EXOC6B: variants seen among roughly 807,000 people sequenced by gnomAD.
The protein encoded by EXOC6B is exocyst complex component 6B, also known as SEC15 homolog B.
A neutral mutation model predicts 113.5 loss-of-function variants in EXOC6B; 54 were observed. The ratio of observed to expected loss-of-function variants is 0.48; its 90% confidence interval spans 0.38 to 0.60. The LOEUF (loss-of-function observed/expected upper bound fraction) is 0.60, where lower values mean the gene tolerates loss of function less well. Among genes scored for constraint, EXOC6B ranks in the 20% least tolerant of loss-of-function variants. The pLI, the probability that EXOC6B is intolerant of heterozygous loss-of-function variation, is 0.00. For synonymous variants in EXOC6B, 357 were observed against 339.0 expected (o/e 1.05, Z -0.58); for missense variants, 797 against 977.5 (o/e 0.82, Z 2.46).
At chr2:72,440,160 T>C (rs1696116132) in intron 18 of EXOC6B, among the ~76,000 whole-genome samples, 1 of 152,128 alleles carries the variant, frequency 6.6e-6, no homozygotes, top group South Asian at 2.1e-4. Context: ...GAAATAGGAT[T>C]GGGGACCTGC....
intron 6 of EXOC6B, among the ~76,000 whole-genome samples, chr2:72,668,657 A>C (rs1181007560): frequency 6.6e-6 from 1 of 152,196 alleles, no homozygotes; most frequent in East Asian, 1.9e-4. Flanking sequence ...TAAGTAAACT[A>C]ATGCAAAAAC....
chr2:72,448,859 T>C (rs1696742376), intron 18 of EXOC6B, among the ~76,000 whole-genome samples: 1 of 152,192 alleles, frequency 6.6e-6, no homozygotes, highest in East Asian at 1.9e-4. Context: ...CAGTTTTGGA[T>C]GAGACACTAT....
intron 1 of EXOC6B, among the ~76,000 whole-genome samples, chr2:72,799,478 G>A (rs939007212): frequency 3.3e-5 from 5 of 151,600 alleles, no homozygotes; most frequent in African/African-American, 1.2e-4. Flanking sequence ...GCTGAAGTGG[G>A]AGGACCAGTT....
At chr2:72,815,139 A>G (rs930546965) in intron 1 of EXOC6B, among the ~76,000 whole-genome samples, 8 of 152,172 alleles carry the variant, frequency 5.3e-5, no homozygotes, top group Non-Finnish European at 7.3e-5. Flanking sequence ...CTCGTCATGC[A>G]TTTAAGCAAC....
intron 6 of EXOC6B, among the ~76,000 whole-genome samples, chr2:72,712,021 C>G (rs1250200282): frequency 6.6e-6 from 1 of 152,170 alleles, no homozygotes; most frequent in Non-Finnish European, 1.5e-5. Flanking sequence ...ACAGTACTAA[C>G]AGTAAAATGG....
In EXOC6B at chr2:72,721,826, C is replaced by T. The variant is rs141207943; in HGVS notation, c.465-3519G>A. ...ATCTAATTGCCTCTTGGCCTTTTGGCTAAGATCAAATTTAATATCTGATAT... is the reference window on the plus strand; with the variant it reads ...ATCTAATTGCCTCTTGGCCTTTTGGTTAAGATCAAATTTAATATCTGATAT... On this transcript the variant is annotated intron_variant, in intron 5 of 21. Coordinates refer to ENST00000272427, the MANE Select transcript of EXOC6B (RefSeq NM_015189.3). The T allele has an allele frequency of 1.4e-4, 22 of 151,958 alleles. No individual in the cohort carries two copies. In the East Asian group the frequency reaches 4.1e-3, roughly 28 times the overall value. 9.4% of individuals were successfully genotyped at this position (151,958 alleles called of 1,614,324 possible).
At chr2:72,602,060 T>G (rs1670465585) in intron 6 of EXOC6B, among the ~76,000 whole-genome samples, 1 of 152,214 alleles carries the variant, frequency 6.6e-6, no homozygotes, top group Non-Finnish European at 1.5e-5. Context: ...CTAAGTGGTC[T>G]AGGTCTCTTA....
At chr2:72,405,005 T>C (rs1175705498) in intron 18 of EXOC6B, among the ~76,000 whole-genome samples, 5 of 151,130 alleles carry the variant, frequency 3.3e-5, no homozygotes, top group Admixed American at 1.3e-4. Context: ...TGCAGAGAAG[T>C]CCTTAAAGGA....
chr2:72,771,256 T>C (rs1276231963), intron 1 of EXOC6B, among the ~76,000 whole-genome samples: 1 of 152,210 alleles, frequency 6.6e-6, no homozygotes, highest in Admixed American at 6.5e-5. Flanking sequence ...AATTTTTATT[T>C]TGAAATAATT....
intron 18 of EXOC6B, among the ~76,000 whole-genome samples, chr2:72,449,349 T>A (rs1478643104): frequency 1.3e-5 from 2 of 152,046 alleles, no homozygotes; most frequent in Admixed American, 6.6e-5. Flanking sequence ...TTTTTTGTAT[T>A]TTTAGTAGAG....
intron 6 of EXOC6B, among the ~76,000 whole-genome samples, chr2:72,666,924 G>A (rs752466823): frequency 1.1e-4 from 16 of 151,574 alleles, no homozygotes; most frequent in South Asian, 2.1e-4. Flanking sequence ...GTGCAATGGC[G>A]CCATCTCAGC....
At chr2:72,350,902 AGTATTAAAAGCAGCCCTGTCTTT>A (rs1689614064) in intron 19 of EXOC6B, among the ~76,000 whole-genome samples, 1 of 152,212 alleles carries the variant, frequency 6.6e-6, no homozygotes, top group Admixed American at 6.5e-5. Flanking sequence ...CAGCATTTCA[AGTATTAAAAGCAGCCCTGTCTTT>A]AAAATGTTCC....
intron 11 of EXOC6B, among the ~76,000 whole-genome samples, chr2:72,509,069 A>G (rs1268914795): frequency 1.3e-5 from 2 of 152,144 alleles, no homozygotes; most frequent in Admixed American, 6.5e-5. Flanking sequence ...GGTAATTAAC[A>G]TCAAATGAAG....
intron 1 of EXOC6B, among the ~76,000 whole-genome samples, chr2:72,765,718 A>T: frequency 6.6e-6 from 1 of 152,150 alleles, no homozygotes; most frequent in East Asian, 1.9e-4. Flanking sequence ...TCCGGCAACC[A>T]GAATCTAAGG....
At chr2:72,510,252 A>G (rs1037343126) in intron 11 of EXOC6B, among the ~76,000 whole-genome samples, 1 of 152,208 alleles carries the variant, frequency 6.6e-6, no homozygotes, top group Non-Finnish European at 1.5e-5. Context: ...GGAAATAGGC[A>G]TTCTAGTAGA....
At position 72,730,414 on chromosome 2, in the gene EXOC6B, T is replaced by C. The variant is rs1250250579; in HGVS notation, c.464+593A>G. On this transcript the variant is annotated intron_variant, in intron 5 of 21. Transcript: ENST00000272427. ...CTGACTGTGCCCAAGGAAGAGGGAA[T>C]TCTACAGAAGAGTCCCTTTGGACTC... Among the ~76,000 whole-genome samples the C allele has an allele frequency of 2.0e-5, 3 of 152,142 alleles. No individual in the cohort carries two copies. In the East Asian group the frequency reaches 5.8e-4, roughly 29 times the overall value.
intron 18 of EXOC6B, chr2:72,464,690 A>G (rs1407951694): frequency 6.3e-6 from 1 of 158,168 alleles, no homozygotes; most frequent in Non-Finnish European, 1.4e-5. Context: ...TATAAGAAGT[A>G]GTAAAGAATG....
intron 20 of EXOC6B, among the ~76,000 whole-genome samples, chr2:72,291,006 G>A (rs1685750233): frequency 6.6e-6 from 1 of 152,058 alleles, no homozygotes; most frequent in Admixed American, 6.6e-5. Context: ...ATTAAAGAAT[G>A]ACATTATCTT....
intron 19 of EXOC6B, among the ~76,000 whole-genome samples, chr2:72,343,439 A>T (rs1689149518): frequency 6.6e-6 from 1 of 152,202 alleles, no homozygotes; most frequent in East Asian, 1.9e-4. Context: ...CAAACAAAAC[A>T]AAAAGAAGTT....
Sources: gnomAD v4.1 joint callset for allele counts (sites outside exome capture counted in the v4.1 genomes callset) on GRCh38, gnomAD v4.1.1 for gene constraint, MANE v1.5 for transcripts, NCBI Gene and HGNC (gene_info 2026-07-23, HGNC 2026-07-21) for gene names.